CTBP2: variants seen among roughly 807,000 people sequenced by gnomAD.
CTBP2 encodes C-terminal binding protein 2.
A neutral mutation model predicts 80.3 loss-of-function variants in CTBP2; 30 were observed. The observed-to-expected ratio is 0.37, with a 90% CI of 0.28 to 0.51. The LOEUF (loss-of-function observed/expected upper bound fraction) is 0.51, where lower values mean the gene tolerates loss of function less well. Among genes scored for constraint, CTBP2 ranks in the 20% least tolerant of loss-of-function variants. The pLI is 0.93. For missense variants in CTBP2, 1,212 were observed against 1,375.3 expected (o/e 0.88, Z 1.88); for synonymous variants, 594 against 587.4 (o/e 1.01, Z -0.16).
intron 2 of CTBP2, among the ~76,000 whole-genome samples, chr10:125,063,665 T>A (rs1441771282): frequency 1.3e-5 from 2 of 152,224 alleles, no homozygotes; most frequent in Non-Finnish European, 2.9e-5. Context: ...TGGCGCAAAC[T>A]CAATGGTGGT....
At chr10:125,007,904 G>C (rs1048705828) in intron 1 of CTBP2, among the ~76,000 whole-genome samples, 2 of 151,930 alleles carry the variant, frequency 1.3e-5, no homozygotes, top group African/African-American at 4.8e-5. Context: ...AAGCAAAGCA[G>C]CTGCAAATGA....
chr10:125,110,893 T>A (rs1187430834), intron 2 of CTBP2, 97 bp downstream of exon 2: 3 of 152,406 alleles, frequency 2.0e-5, no homozygotes, highest in Admixed American at 2.0e-4. Flanking sequence ...AGCCAGAGGC[T>A]GCAGGCAATC....
chr10:125,050,296 G>GA (rs1431545213), intron 2 of CTBP2, among the ~76,000 whole-genome samples: 1 of 152,196 alleles, frequency 6.6e-6, no homozygotes, highest in African/African-American at 2.4e-5. Context: ...CCTAACTCCA[G>GA]AAAATCTCTA....
At chr10:125,058,908 CAG>C (rs1303777080) in intron 2 of CTBP2, among the ~76,000 whole-genome samples, 1 of 152,054 alleles carries the variant, frequency 6.6e-6, no homozygotes, top group African/African-American at 2.4e-5. Flanking sequence ...TAAAAAGGCA[CAG>C]AGAGATCAGA....
chr10:125,007,950 C>CT lies in CTBP2; in HGVS notation c.1679-4459dup, dbSNP rs577913784. On this transcript the variant is annotated intron_variant, in intron 1 of 8. Coordinates refer to ENST00000309035, the MANE Select transcript of CTBP2 (RefSeq NM_022802.3). ...CATAGGAGGCAAAGGCTGGCTCTGG[C>CT]TTTTTTTTTTTTGGAGACAGAGTTT... Among the ~76,000 whole-genome samples the CT allele has an allele frequency of 9.1e-4, 132 of 144,936 alleles. 2 individuals are homozygous for CT. Among genetic ancestry groups the CT allele is most frequent in the South Asian group, 8.3e-3 (38 of 4,596 alleles).
At chr10:125,002,509 C>T (rs1158250294) in intron 3 of CTBP2, among the ~76,000 whole-genome samples, 1 of 152,220 alleles carries the variant, frequency 6.6e-6, no homozygotes, top group African/African-American at 2.4e-5. Flanking sequence ...GGCTGCCCTC[C>T]CAGAACGGGA....
intron 1 of CTBP2, among the ~76,000 whole-genome samples, chr10:125,134,333 C>G (rs1453402607): frequency 6.6e-6 from 1 of 152,130 alleles, no homozygotes; most frequent in Non-Finnish European, 1.5e-5. Flanking sequence ...CAGCGGAAGC[C>G]CCCCCGCCCC....
At chr10:125,102,335 G>C (rs1850759569) in intron 2 of CTBP2, among the ~76,000 whole-genome samples, 1 of 152,238 alleles carries the variant, frequency 6.6e-6, no homozygotes, top group African/African-American at 2.4e-5. Flanking sequence ...ACATCAGGAG[G>C]AAGTGCCAGA....
At chr10:125,098,892 C>T (rs1850176811) in intron 2 of CTBP2, among the ~76,000 whole-genome samples, 1 of 152,156 alleles carries the variant, frequency 6.6e-6, no homozygotes, top group Non-Finnish European at 1.5e-5. Context: ...TCTGGGGCCA[C>T]CTCCTCCCTG....
At chr10:125,161,066 T>TGGG (rs1861845053), upstream of CTBP2, 1 of 89,848 alleles carries the variant, frequency 1.1e-5, no homozygotes, top group South Asian at 3.7e-4. Context: ...GCTCCTGTTT[T>TGGG]TGGGGGGGGG....
intron 2 of CTBP2, among the ~76,000 whole-genome samples, chr10:125,078,058 A>C (rs1590601622): frequency 1.3e-5 from 2 of 152,182 alleles, no homozygotes; most frequent in East Asian, 3.9e-4. Context: ...AGACGGGCAG[A>C]TCACGAGGTC....
intron 1 of CTBP2, among the ~76,000 whole-genome samples, chr10:125,019,834 C>A (rs1420012287): frequency 2.6e-5 from 4 of 152,142 alleles, no homozygotes; most frequent in African/African-American, 4.8e-5. Context: ...AGGACACTAT[C>A]AAGAAATTGA....
At chr10:125,153,968 G>C (rs1370308389) in intron 1 of CTBP2, among the ~76,000 whole-genome samples, 1 of 152,242 alleles carries the variant, frequency 6.6e-6, no homozygotes, top group Non-Finnish European at 1.5e-5. Flanking sequence ...CACTGTCTCT[G>C]TGACACATCC....
intron 1 of CTBP2, among the ~76,000 whole-genome samples, chr10:125,139,831 C>T (rs1325072129): frequency 1.3e-5 from 2 of 152,216 alleles, no homozygotes; most frequent in African/African-American, 4.8e-5. Flanking sequence ...CCCTACTGTG[C>T]TCACAGCTGC....
chr10:125,041,517 C>T (rs4962423), intron 2 of CTBP2, among the ~76,000 whole-genome samples: 30,627 of 129,796 alleles, frequency 0.24, 5,733 homozygotes, highest in East Asian at 0.38. Context: ...CCCCCCCCCC[C>T]CACCCACAAG....
At chr10:125,059,118 G>T (rs1365709204) in intron 2 of CTBP2, among the ~76,000 whole-genome samples, 3 of 152,066 alleles carry the variant, frequency 2.0e-5, no homozygotes, top group Non-Finnish European at 4.4e-5. Context: ...TCCTTTGCTG[G>T]TGCTAAACAA....
At position 124,984,549 on chromosome 10, in the gene CTBP2, CTT is replaced by C. The variant is rs1346949535; in HGVS notation, c.*4967_*4968del. ...ACAAATTACCCTCTAGTGTGCTCCT[CTT>C]TAGTTTTTTTCTGAGAAATTTCCCA... On this transcript the variant is annotated 3_prime_UTR_variant, in exon 9 of 9. Coordinates refer to ENST00000309035, the MANE Select transcript of CTBP2 (RefSeq NM_022802.3). 3 of 529,886 alleles carry C rather than the reference CTT, an allele frequency of 5.7e-6. No individual in the cohort carries two copies. The highest frequency in any genetic ancestry group is 6.9e-5 in the Admixed American group (2 of 29,036). 32.8% of individuals were successfully genotyped at this position (529,886 alleles called of 1,614,324 possible).
At chr10:124,998,334 T>C (rs2134194506) in intron 3 of CTBP2, 164 bp from the exon 6 acceptor site, 1 of 692,982 alleles carries the variant, frequency 1.4e-6, no homozygotes, top group Non-Finnish European at 2.4e-6. Context: ...GTAGGCCCTC[T>C]GGCTCTGATG....
Position 124,984,884 on chromosome 10 carries a change from C to A in CTBP2, c.*4634G>T. The A allele has an allele frequency of 6.2e-7, 1 of 1,613,976 alleles. No individual in the cohort carries two copies. The highest frequency in any genetic ancestry group is 8.5e-7 in the Non-Finnish European group (1 of 1,180,010). The stretch of plus-strand genomic sequence containing the variant: ...AGAAGAGTTCTCGGCGGCGAAATCA[C>A]CCCCTGGTCACTCAGATGGTAGAAA... On this transcript the variant is annotated 3_prime_UTR_variant, in exon 9 of 9. Coordinates refer to ENST00000309035, the MANE Select transcript of CTBP2 (RefSeq NM_022802.3).
Sources: gnomAD v4.1 joint callset for allele counts (sites outside exome capture counted in the v4.1 genomes callset) on GRCh38, gnomAD v4.1.1 for gene constraint, MANE v1.5 for transcripts, NCBI Gene and HGNC (gene_info 2026-07-23, HGNC 2026-07-21) for gene names.